Variants in NT5DC1 observed in about 807,000 individuals in gnomAD.
NT5DC1 encodes 5'-nucleotidase domain-containing protein 1.
In NT5DC1, 42 loss-of-function variants were observed where a neutral mutation model predicts 59.4. That is an observed-to-expected ratio of 0.71 (90% CI 0.55 to 0.92). The LOEUF (loss-of-function observed/expected upper bound fraction) is 0.92, where lower values mean the gene tolerates loss of function less well. Among genes scored for constraint, NT5DC1 ranks in the 40% least tolerant of loss-of-function variants. The probability of loss-of-function intolerance (pLI) is 0.00; values close to 1 mark genes in which losing one functional copy is unlikely to be tolerated. For missense variants in NT5DC1, 501 were observed against 537.1 expected, an observed-to-expected ratio of 0.93 and a Z score of 0.66; for synonymous variants, 172 against 188.1, an observed-to-expected ratio of 0.91 and a Z score of 0.70.
chr6:116,227,945 G>A (rs6914678), intron 8 of NT5DC1, among the ~76,000 whole-genome samples: 40,450 of 151,974 alleles, frequency 0.27, 7,011 homozygotes, highest in East Asian at 0.63. Flanking sequence ...TTGTGGTTGC[G>A]TAGCTTTTTA....
At position 116,248,228 on chromosome 6, in the gene NT5DC1, C is replaced by G. The variant is rs937207486; in HGVS notation, c.*4204C>G. On this transcript the variant is annotated 3_prime_UTR_variant, in exon 12 of 12. Transcript: ENST00000319550. ...GAGACTTGCATCTTAGGCAGTTCTA[C>G]TTTCTGGACCTCTGTTTTCTCAACT... 1 of 152,178 alleles carries G rather than the reference C, an allele frequency of 6.6e-6. No homozygotes were observed. The highest frequency in any genetic ancestry group is 1.5e-5 in the Non-Finnish European group (1 of 68,026). 9.4% of individuals were successfully genotyped at this position (152,178 alleles called of 1,614,324 possible). A position where few individuals can be genotyped will look rare whatever the true frequency, so the allele number is the denominator to read the frequency against.
At chr6:116,219,817 C>T (rs1043411093) in intron 6 of NT5DC1, among the ~76,000 whole-genome samples, 2 of 151,836 alleles carry the variant, frequency 1.3e-5, no homozygotes, top group African/African-American at 4.8e-5. Context: ...CAGAAGTTAG[C>T]TGGGCGTGGT....
rs1441458528 is a variant in NT5DC1 at position 116,245,980 on chromosome 6, G to A, written c.*1956G>A. 6.6e-6 allele frequency: 1 copy of A among 152,030 alleles called. No homozygotes were observed. The highest frequency in any genetic ancestry group is 1.5e-5 in the Non-Finnish European group (1 of 67,968). The allele number at this position is 152,030 out of a possible 1,614,324, so 9.4% of individuals were successfully genotyped here. ...AAATTTCCTTCCTTTCTAGCAGTCA[G>A]TATTTCTTCTAATGAATGTTTTTTT... On this transcript the variant is annotated 3_prime_UTR_variant, in exon 12 of 12. Coordinates refer to ENST00000319550, the MANE Select transcript of NT5DC1 (RefSeq NM_152729.3).
Position 116,244,060 on chromosome 6 carries a change from T to G in NT5DC1, c.*36T>G. On this transcript the variant is annotated 3_prime_UTR_variant, in exon 12 of 12. Transcript: ENST00000319550. Reference sequence around the variant, plus strand: ...CTGAAAAATGAAGTGAAGACCCATATATGCAGTTAAAAAAAAGTTAATTTT... The same window carrying G: ...CTGAAAAATGAAGTGAAGACCCATAGATGCAGTTAAAAAAAAGTTAATTTT... The G allele has an allele frequency of 1.2e-6, 1 of 802,160 alleles. No homozygotes were observed. The highest frequency in any genetic ancestry group is 2.0e-6 in the Non-Finnish European group (1 of 492,198). 49.7% of individuals were successfully genotyped at this position (802,160 alleles called of 1,614,324 possible).
chr6:116,121,923 G>T (rs1228331045), intron 6 of NT5DC1: 1 of 1,613,690 alleles, frequency 6.2e-7, no homozygotes, highest in Admixed American at 1.7e-5. Context: ...GCAGGGCCTG[G>T]TGGACCAGGA....
intron 6 of NT5DC1, 124 bp from the exon 7 acceptor site, chr6:116,220,930 G>A (rs1781786354): frequency 1.7e-6 from 1 of 574,362 alleles, no homozygotes; most frequent in African/African-American, 1.9e-5. Context: ...TGCTAGGTCG[G>A]TCAAACCTTG....
rs748887807 is a variant in NT5DC1 at position 116,108,414 on chromosome 6, C to G, written c.236C>G (p.Ala79Gly). Reference protein sequence around the residue: ...DLEDGNFLKLANNGTVLRASH... With the variant: ...DLEDGNFLKLGNNGTVLRASH... ...GAAGATGGGAACTTCCTTAAACTTG[C>G]AAATAATGGCACTGTTCTCAGGTAA... Residue 79 changes from alanine (A) to glycine (G), a missense_variant, in exon 3 of 12, where the codon GCA becomes GGA. By Grantham distance (60) the Ala-to-Gly change is moderately conservative. Coordinates refer to ENST00000319550, the MANE Select transcript of NT5DC1 (RefSeq NM_152729.3). The G allele has an allele frequency of 2.5e-6, 4 of 1,603,912 alleles. No homozygotes were observed. The highest frequency in any genetic ancestry group is 1.1e-5 in the South Asian group (1 of 90,846).
At chr6:116,130,782 C>A (rs1779439233) in intron 6 of NT5DC1, among the ~76,000 whole-genome samples, 1 of 152,006 alleles carries the variant, frequency 6.6e-6, no homozygotes, top group African/African-American at 2.4e-5. Flanking sequence ...GCTAAAAACC[C>A]TAGTACTCAT....
intron 6 of NT5DC1, among the ~76,000 whole-genome samples, chr6:116,193,085 C>G (rs931274213): frequency 5.9e-5 from 9 of 152,172 alleles, no homozygotes; most frequent in African/African-American, 2.2e-4. Flanking sequence ...CTTACAGACT[C>G]TCATATATTA....
chr6:116,196,289 C>T (rs1020467738), intron 6 of NT5DC1, among the ~76,000 whole-genome samples: 1 of 152,000 alleles, frequency 6.6e-6, no homozygotes, highest in African/African-American at 2.4e-5. Context: ...TTTGTTATTT[C>T]CTAAAAGTAC....
intron 6 of NT5DC1, among the ~76,000 whole-genome samples, chr6:116,129,262 CACAT>C (rs879728070): frequency 6.6e-5 from 10 of 152,124 alleles, no homozygotes; most frequent in East Asian, 5.8e-4. Flanking sequence ...TATATAGAAA[CACAT>C]ACATACATAT....
At chr6:116,154,269 C>T (rs1780125083) in intron 6 of NT5DC1, among the ~76,000 whole-genome samples, 1 of 152,000 alleles carries the variant, frequency 6.6e-6, no homozygotes, top group South Asian at 2.1e-4. Flanking sequence ...TTTAACAAAA[C>T]ATCAACATAG....
intron 6 of NT5DC1, among the ~76,000 whole-genome samples, chr6:116,151,101 T>A (rs1372578767): frequency 6.6e-6 from 1 of 152,184 alleles, no homozygotes. Context: ...GGGATTAGAA[T>A]TTGCAGCTCC....
At chr6:116,168,808 C>T (rs1299922963) in intron 6 of NT5DC1, among the ~76,000 whole-genome samples, 1 of 152,000 alleles carries the variant, frequency 6.6e-6, no homozygotes, top group Non-Finnish European at 1.5e-5. Flanking sequence ...ACAGGGAGAA[C>T]TTATGTTTGC....
intron 6 of NT5DC1, among the ~76,000 whole-genome samples, chr6:116,218,856 A>C (rs367787014): frequency 2.0e-5 from 3 of 152,316 alleles, no homozygotes; most frequent in South Asian, 4.1e-4. Flanking sequence ...TTTCTGAATC[A>C]TGATGCTTTA....
At chr6:116,213,749 T>C (rs1582876813) in intron 6 of NT5DC1, among the ~76,000 whole-genome samples, 1 of 152,100 alleles carries the variant, frequency 6.6e-6, no homozygotes, top group South Asian at 2.1e-4. Flanking sequence ...TGAGAAGTGC[T>C]GTAACAGGCA....
At chr6:116,166,912 A>G (rs938388186) in intron 6 of NT5DC1, among the ~76,000 whole-genome samples, 2 of 152,214 alleles carry the variant, frequency 1.3e-5, no homozygotes, top group Non-Finnish European at 2.9e-5. Flanking sequence ...GAATTGAGCC[A>G]AAGAATTGAG....
intron 6 of NT5DC1, among the ~76,000 whole-genome samples, chr6:116,194,271 A>G (rs142637634): frequency 6.6e-6 from 1 of 152,218 alleles, no homozygotes; most frequent in East Asian, 1.9e-4. Context: ...TAAAAATGGA[A>G]CTCTAAAAAT....
chr6:116,175,179 C>T (rs1780706232), intron 6 of NT5DC1, among the ~76,000 whole-genome samples: 1 of 151,974 alleles, frequency 6.6e-6, no homozygotes, highest in African/African-American at 2.4e-5. Context: ...GTATAATTGC[C>T]ATTCCAATCA....
Sources: allele counts gnomAD v4.1 joint callset (sites outside exome capture counted in the v4.1 genomes callset), GRCh38; gene constraint gnomAD v4.1.1; transcripts MANE v1.5; gene names NCBI Gene and HGNC (gene_info 2026-07-23, HGNC 2026-07-21).